Variants in FAM216B observed in about 807,000 individuals in gnomAD.
FAM216B encodes family with sequence similarity 216 member B, also known as protein FAM216B.
Under a neutral mutation model 12.9 loss-of-function variants are expected in FAM216B, and 11 were observed. The observed-to-expected ratio is 0.86, with a 90% CI of 0.54 to 1.42. The LOEUF is 1.42. Ranked by LOEUF, FAM216B falls within the 40% of genes most tolerant of loss-of-function variation. The pLI, the probability that FAM216B is intolerant of heterozygous loss-of-function variation, is 0.00. For synonymous variants in FAM216B, 52 were observed against 57.2 expected, an observed-to-expected ratio of 0.91 and a Z score of 0.41; for missense variants, 167 against 162.9, an observed-to-expected ratio of 1.02 and a Z score of -0.14.
In FAM216B at chr13:42,790,128, T is replaced by G. The variant is rs1048882314; in HGVS notation, c.*1338T>G. The stretch of plus-strand genomic sequence containing the variant: ...GGCCCTGACATGTATTCTAAATACC[T>G]TTACAGTTCTAAGTGAGAAATTGTT... On this transcript the variant is annotated 3_prime_UTR_variant, in exon 4 of 4. Coordinates refer to ENST00000313851, the MANE Select transcript of FAM216B (RefSeq NM_001318932.2). The G allele has an allele frequency of 5.3e-5, 8 of 152,162 alleles. No individual in the cohort carries two copies. Among genetic ancestry groups the G allele is most frequent in the African/African-American group, 1.9e-4 (8 of 41,434 alleles). The allele number at this position is 152,162 out of a possible 1,614,324, so 9.4% of individuals were successfully genotyped here.
intron 2 of FAM216B, among the ~76,000 whole-genome samples, chr13:42,784,565 C>T (rs1873997246): frequency 6.6e-6 from 1 of 150,652 alleles, no homozygotes; most frequent in African/African-American, 2.4e-5. Context: ...CTCCTGTAAT[C>T]CCAGCACTTT....
At chr13:42,788,160 T>A (rs182237694) in intron 3 of FAM216B, among the ~76,000 whole-genome samples, 2 of 152,198 alleles carry the variant, frequency 1.3e-5, no homozygotes, top group Non-Finnish European at 2.9e-5. Context: ...ATTAACCCTC[T>A]GAGTTTCTGA....
At position 42,791,007 on chromosome 13, in the gene FAM216B, A is replaced by G. The variant is rs1874294629; in HGVS notation, c.*2217A>G. The G allele has an allele frequency of 6.6e-6, 1 of 152,218 alleles. No homozygotes were observed. The highest frequency in any genetic ancestry group is 2.4e-5 in the African/African-American group (1 of 41,458). 9.4% of individuals were successfully genotyped at this position (152,218 alleles called of 1,614,324 possible). A position where few individuals can be genotyped will look rare whatever the true frequency, so the allele number is the denominator to read the frequency against. On this transcript the variant is annotated 3_prime_UTR_variant, in exon 4 of 4. Coordinates refer to ENST00000313851, the MANE Select transcript of FAM216B (RefSeq NM_001318932.2). ...TAGAATATCAAGGACAGGTGATGAG[A>G]CAACAAGTCTATCCCGCAAAGGGCA...
In FAM216B at chr13:42,788,791, G is replaced by T; in HGVS notation, c.*1G>T. ...AAGGCGCCAAGTGCTCAGGAACTGA[G>T]ACTTGGCAGCATTTTCAGAAACAGG... On this transcript the variant is annotated 3_prime_UTR_variant, in exon 4 of 4. Transcript: ENST00000313851. The T allele has an allele frequency of 6.2e-7, 1 of 1,601,296 alleles. No homozygotes were observed. The highest frequency in any genetic ancestry group is 1.1e-5 in the South Asian group (1 of 88,974).
At chr13:42,786,979 C>G in intron 3 of FAM216B, 96 bp downstream of exon 3, 1 of 1,541,940 alleles carries the variant, frequency 6.5e-7, no homozygotes, top group Non-Finnish European at 8.8e-7. Context: ...AGCACAATGG[C>G]ATCTACTGGC....
At chr13:42,783,216 G>A (rs1873925714) in intron 1 of FAM216B, among the ~76,000 whole-genome samples, 1 of 152,184 alleles carries the variant, frequency 6.6e-6, no homozygotes, top group African/African-American at 2.4e-5. Flanking sequence ...GCTGAGGTGG[G>A]AGGATGGCTT....
intron 1 of FAM216B, among the ~76,000 whole-genome samples, chr13:42,782,663 T>C (rs537792258): frequency 2.0e-5 from 3 of 152,200 alleles, no homozygotes; most frequent in South Asian, 4.1e-4. Flanking sequence ...TATTCCAATA[T>C]GTCTATTCTT....
intron 1 of FAM216B, among the ~76,000 whole-genome samples, chr13:42,782,502 A>G (rs946698048): frequency 6.6e-6 from 1 of 152,222 alleles, no homozygotes; most frequent in African/African-American, 2.4e-5. Context: ...ACGTGCAGGT[A>G]TTAATAATAA....
chr13:42,785,619 G>A (rs1211841871), intron 2 of FAM216B, among the ~76,000 whole-genome samples: 1 of 152,176 alleles, frequency 6.6e-6, no homozygotes, highest in African/African-American at 2.4e-5. Flanking sequence ...AAAATGTTGA[G>A]CACCGTATAT....
intron 2 of FAM216B, 39 bp from the exon 3 acceptor site, chr13:42,786,724 T>A: frequency 6.2e-7 from 1 of 1,605,906 alleles, no homozygotes; most frequent in African/African-American, 1.3e-5. Context: ...GCTGTGGAAC[T>A]CCACACACTC....
rs1245576352 is a variant in FAM216B, at chr13:42,791,458, T to C, written c.*2668T>C. ...TAAAGACAAGAAACAGAACCTGAAA[T>C]ACTTCAATTTTTGATTCTATGTGGC... On this transcript the variant is annotated 3_prime_UTR_variant, in exon 4 of 4. Coordinates refer to ENST00000313851, the MANE Select transcript of FAM216B (RefSeq NM_001318932.2). The C allele has an allele frequency of 6.6e-6, 1 of 152,204 alleles. No homozygotes were observed. The highest frequency in any genetic ancestry group is 2.4e-5 in the African/African-American group (1 of 41,468). The allele number at this position is 152,204 out of a possible 1,614,324, so 9.4% of individuals were successfully genotyped here.
chr13:42,789,867 AT>A lies in FAM216B; in HGVS notation c.*1078del, dbSNP rs1874253229. ...ATGCTGCATTATTATCAGAAAAAAA[AT>A]CATTATCTTCTCTTTGCAATCATGA... On this transcript the variant is annotated 3_prime_UTR_variant, in exon 4 of 4. Transcript: ENST00000313851. 6.6e-6 allele frequency: 1 copy of A among 152,226 alleles called. No homozygotes were observed. The highest frequency in any genetic ancestry group is 2.4e-5 in the African/African-American group (1 of 41,458). The allele number at this position is 152,226 out of a possible 1,614,324, so 9.4% of individuals were successfully genotyped here.
rs1874270279 is a variant in FAM216B at position 42,790,400 on chromosome 13, C to T, written c.*1610C>T. On this transcript the variant is annotated 3_prime_UTR_variant, in exon 4 of 4. Coordinates refer to ENST00000313851, the MANE Select transcript of FAM216B (RefSeq NM_001318932.2). ...GTGATGCAGAATATCAAGGAGGCCA[C>T]TTACAATTCTAAGCTGCATCCCTGT... is the stretch of plus-strand genomic sequence containing the variant. 6.6e-6 allele frequency: 1 copy of T among 152,022 alleles called. No individual in the cohort carries two copies. The highest frequency in any genetic ancestry group is 2.4e-5 in the African/African-American group (1 of 41,402). 9.4% of individuals were successfully genotyped at this position (152,022 alleles called of 1,614,324 possible).
intron 2 of FAM216B, 38 bp from the exon 3 acceptor site, chr13:42,786,725 C>A (rs1241825421): frequency 6.2e-7 from 1 of 1,610,500 alleles, no homozygotes. Context: ...CTGTGGAACT[C>A]CACACACTCA....
intron 2 of FAM216B, 88 bp from the exon 3 acceptor site, chr13:42,786,675 A>T: frequency 6.9e-7 from 1 of 1,446,864 alleles, no homozygotes; most frequent in Non-Finnish European, 9.2e-7. Context: ...AAAGCCTCTT[A>T]TTTCCATAAA....
chr13:42,787,047 T>C (rs1209244078), intron 3 of FAM216B, among the ~76,000 whole-genome samples, 164 bp downstream of exon 3: 1 of 152,210 alleles, frequency 6.6e-6, no homozygotes, highest in Non-Finnish European at 1.5e-5. Flanking sequence ...TTCTTGACAA[T>C]GGAAAGCAAG....
chr13:42,788,694 A>T lies in FAM216B; in HGVS notation c.324A>T (p.Lys108Asn). 6.2e-7 allele frequency: 1 copy of T among 1,613,988 alleles called. No homozygotes were observed. ...KVAPQRTIPR[K>N]TSAMTRRCPS... is the part of the protein sequence containing the mutation. ...CTCCTCAAAGAACCATTCCCCGGAA[A>T]ACTTCAGCCATGACAAGAAGATGTC... The change falls in exon 4 of 4, where the codon AAA becomes AAT. Residue 108 changes from lysine (K) to asparagine (N), a missense_variant. By Grantham distance (94) the Lys-to-Asn change is moderately conservative. Transcript: ENST00000313851.
chr13:42,786,271 C>T (rs752345551), intron 2 of FAM216B, among the ~76,000 whole-genome samples: 7 of 152,108 alleles, frequency 4.6e-5, no homozygotes, highest in Non-Finnish European at 7.4e-5. Context: ...TTTAGAAAAC[C>T]TTCCCTGACT....
At position 42,784,039 on chromosome 13, in the gene FAM216B, T is replaced by C. The variant is rs1301985843; in HGVS notation, c.-14-15T>C. 6.5e-7 allele frequency: 1 copy of C among 1,546,602 alleles called. No individual in the cohort carries two copies. The highest frequency in any genetic ancestry group is 1.4e-5 in the African/African-American group (1 of 72,056). ...CTAAAAGAAATTTTATGCTATGCTT[T>C]GTTGTTTCTTGGAGGTATAGGATAA... On this transcript the variant is annotated splice_polypyrimidine_tract_variant and intron_variant, in intron 1 of 3. Transcript: ENST00000313851.
Sources: gnomAD v4.1 joint callset for allele counts (sites outside exome capture counted in the v4.1 genomes callset) on GRCh38, gnomAD v4.1.1 for gene constraint, MANE v1.5 for transcripts, NCBI Gene and HGNC (gene_info 2026-07-23, HGNC 2026-07-21) for gene names.